NPTX2: variants seen among roughly 807,000 people sequenced by gnomAD.
NPTX2 encodes the protein neuronal pentraxin-2.
In NPTX2, 23 loss-of-function variants were observed where a neutral mutation model predicts 38.1. The observed-to-expected ratio is 0.60, with a 90% CI of 0.43 to 0.85. NPTX2 has a LOEUF of 0.85. NPTX2 is among the 40% of genes least tolerant of loss of function. The pLI, the probability that NPTX2 is intolerant of heterozygous loss-of-function variation, is 0.00. For synonymous variants in NPTX2, 291 were observed against 287.3 expected, an observed-to-expected ratio of 1.01 and a Z score of -0.13; for missense variants, 553 against 615.3, an observed-to-expected ratio of 0.90 and a Z score of 1.07.
intron 2 of NPTX2, among the ~76,000 whole-genome samples, chr7:98,624,610 G>T (rs978031426): frequency 6.6e-6 from 1 of 151,954 alleles, no homozygotes; most frequent in Non-Finnish European, 1.5e-5. Context: ...TCCCTCCCCC[G>T]GCCACTCCCC....
chr7:98,617,820 C>G lies in NPTX2; in HGVS notation c.359C>G (p.Pro120Arg), dbSNP rs1480491728. 1.4e-5 allele frequency: 22 copies of G among 1,540,516 alleles called. No homozygotes were observed. Among genetic ancestry groups the G allele is most frequent in the Middle Eastern group, 2.0e-4 (1 of 5,020 alleles). ...KDTMGDLPRD[P>R]GHVVEQLSRS... Reference sequence around the variant, plus strand: ...ACTATGGGCGACCTGCCGCGGGACCCCGGCCACGTCGTGGAGCAGCTCAGC... The same window carrying G: ...ACTATGGGCGACCTGCCGCGGGACCGCGGCCACGTCGTGGAGCAGCTCAGC... The change falls in exon 1 of 5, where the codon CCC (proline) becomes CGC (arginine). Residue 120 changes from proline (P) to arginine (R), a missense_variant. Transcript: ENST00000265634.
In NPTX2 at chr7:98,627,310, A is replaced by G. The variant is rs1424885365; in HGVS notation, c.1034A>G (p.Lys345Arg). Residue 345 changes from lysine to arginine, a missense_variant, in exon 4 of 5, where the codon AAG becomes AGG. Transcript: ENST00000265634. Reference sequence around the variant, plus strand: ...AACCTGGCCCCCTGGCACCCCATCAAGCCCGGGGGCGTGCTGATCCTTGGA... The same window carrying G: ...AACCTGGCCCCCTGGCACCCCATCAGGCCCGGGGGCGTGCTGATCCTTGGA... ...GENLAPWHPI[K>R]PGGVLILGQE... 4.3e-6 allele frequency: 7 copies of G among 1,613,854 alleles called. No individual in the cohort carries two copies. Among genetic ancestry groups the G allele is most frequent in the Non-Finnish European group, 5.9e-6 (7 of 1,179,956 alleles).
intron 2 of NPTX2, among the ~76,000 whole-genome samples, chr7:98,620,803 A>G (rs2115615465): frequency 6.6e-6 from 1 of 152,068 alleles, no homozygotes; most frequent in Non-Finnish European, 1.5e-5. Flanking sequence ...TGGCACACTA[A>G]AGGTAGTTTG....
chr7:98,625,012 C>T lies in NPTX2; in HGVS notation c.734C>T (p.Pro245Leu). The change falls in exon 3 of 5, where the codon CCT (proline) becomes CTT (leucine). Residue 245 changes from proline (P) to leucine (L), a missense_variant. Transcript: ENST00000265634. ...TACGGCAAGATCAAGAAGACGCTGCCTGAGCTGTACGCCTTCACCATCTGC... is the reference window on the plus strand; with the variant it reads ...TACGGCAAGATCAAGAAGACGCTGCTTGAGCTGTACGCCTTCACCATCTGC... ...YLYGKIKKTL[P>L]ELYAFTICLW... 1 of 1,613,950 alleles carries T rather than the reference C, an allele frequency of 6.2e-7. No homozygotes were observed. The highest frequency in any genetic ancestry group is 8.5e-7 in the Non-Finnish European group (1 of 1,180,046).
At chr7:98,620,820 G>T (rs1413048763) in intron 2 of NPTX2, among the ~76,000 whole-genome samples, 2 of 152,116 alleles carry the variant, frequency 1.3e-5, no homozygotes, top group Non-Finnish European at 2.9e-5. Flanking sequence ...TTTGCCTCTC[G>T]AAAGGGGAAC....
At chr7:98,622,704 C>T (rs1791289094) in intron 2 of NPTX2, among the ~76,000 whole-genome samples, 1 of 152,246 alleles carries the variant, frequency 6.6e-6, no homozygotes, top group Non-Finnish European at 1.5e-5. Flanking sequence ...TCCCAGCCTT[C>T]ACTCTGGCCT....
chr7:98,625,306 G>C, intron 3 of NPTX2, 140 bp downstream of exon 3: 1 of 1,178,306 alleles, frequency 8.5e-7, no homozygotes, highest in Admixed American at 2.6e-5. Flanking sequence ...TGTCCTCCTC[G>C]AGGTGGGGAT....
In NPTX2 at chr7:98,629,600, GA is replaced by G. The variant is rs553312078; in HGVS notation, c.*975del. ...AGTATTTCCCTACAGAACTCCTCAA[GA>G]AAACAGAGATCATTTGGCTAGAGAT... On this transcript the variant is annotated 3_prime_UTR_variant, in exon 5 of 5. Coordinates refer to ENST00000265634, the MANE Select transcript of NPTX2 (RefSeq NM_002523.3). The G allele has an allele frequency of 3.7e-3, 566 of 152,636 alleles. 10 individuals carry two copies. The highest frequency in any genetic ancestry group is 0.019 in the South Asian group (91 of 4,826). 9.5% of individuals were successfully genotyped at this position (152,636 alleles called of 1,614,324 possible). A position where few individuals can be genotyped will look rare whatever the true frequency, so the allele number is the denominator to read the frequency against.
chr7:98,627,634 G>C (rs776311407), intron 4 of NPTX2, among the ~76,000 whole-genome samples: 3 of 152,310 alleles, frequency 2.0e-5, no homozygotes, highest in Admixed American at 1.3e-4. Flanking sequence ...TGGGTGTGTG[G>C]TTCAAACAGA....
At position 98,617,780 on chromosome 7, in the gene NPTX2, G is replaced by T. The variant is rs1048230787; in HGVS notation, c.319G>T (p.Ala107Ser). The T allele has an allele frequency of 2.1e-6, 3 of 1,462,494 alleles. No individual in the cohort carries two copies. Among genetic ancestry groups the T allele is most frequent in the Non-Finnish European group, 2.7e-6 (3 of 1,119,598 alleles). 90.6% of individuals were successfully genotyped at this position (1,462,494 alleles called of 1,614,324 possible). A position where few individuals can be genotyped will look rare whatever the true frequency, so the allele number is the denominator to read the frequency against. Residue 107 changes from alanine (A) to serine (S), a missense_variant, in exon 1 of 5, where the codon GCC becomes TCC. Coordinates refer to ENST00000265634, the MANE Select transcript of NPTX2 (RefSeq NM_002523.3). The part of the protein sequence containing the change: ...LAGGKARGAG[A>S]TGKDTMGDLP... Reference sequence around the variant, plus strand: ...GGGCGGCAAGGCGCGCGGCGCGGGGGCCACGGGCAAGGACACTATGGGCGA... The same window carrying T: ...GGGCGGCAAGGCGCGCGGCGCGGGGTCCACGGGCAAGGACACTATGGGCGA...
At chr7:98,628,115 C>T (rs184444506) in intron 4 of NPTX2, among the ~76,000 whole-genome samples, 43 of 152,254 alleles carry the variant, frequency 2.8e-4, no homozygotes, top group Admixed American at 8.5e-4. Flanking sequence ...GCTACATCTC[C>T]GCTGGGAGGG....
At chr7:98,626,146 CAAAA>C (rs561364197) in intron 3 of NPTX2, among the ~76,000 whole-genome samples, 6 of 71,406 alleles carry the variant, frequency 8.4e-5, no homozygotes, top group Admixed American at 4.3e-4. Flanking sequence ...TACCCTGTCT[CAAAA>C]AAAAAAAAAA....
Position 98,628,516 on chromosome 7 carries a change from T to A in NPTX2, c.1183T>A (p.Ser395Thr). ...AQEIVNIANCSTNMPGNIIPW... is the reference protein window; with the variant it reads ...AQEIVNIANCTTNMPGNIIPW... ...AGAAATTGTCAACATCGCCAACTGC[T>A]CCACAAACATGCCGGGCAACATCAT... Residue 395 changes from serine to threonine, a missense_variant, in exon 5 of 5, where the codon TCC becomes ACC. Ser to Thr is a moderately conservative substitution (Grantham distance 58). Coordinates refer to ENST00000265634, the MANE Select transcript of NPTX2 (RefSeq NM_002523.3). 1.2e-6 allele frequency: 2 copies of A among 1,611,236 alleles called. No homozygotes were observed.
At chr7:98,622,518 C>T (rs891565512) in intron 2 of NPTX2, among the ~76,000 whole-genome samples, 7 of 152,176 alleles carry the variant, frequency 4.6e-5, no homozygotes, top group African/African-American at 7.2e-5. Flanking sequence ...GGCTAAGTGT[C>T]GTGGAAAGAG....
In NPTX2 at chr7:98,617,678, C is replaced by A. The variant is rs1408916204; in HGVS notation, c.217C>A (p.Gln73Lys). ...VLQLRETVVQ[Q>K]KETLGAQREA... ...GCAGCTGCGCGAGACCGTCGTGCAG[C>A]AGAAGGAGACGCTGGGCGCGCAGCG... The change falls in exon 1 of 5, where the codon CAG (glutamine) becomes AAG (lysine). Residue 73 changes from glutamine to lysine, a missense_variant. Gln to Lys is a moderately conservative substitution (Grantham distance 53). Transcript: ENST00000265634. 217 of 1,468,524 alleles carry A rather than the reference C, an allele frequency of 1.5e-4. 1 individual carries two copies. The highest frequency in any genetic ancestry group is 1.5e-5 in the Non-Finnish European group (17 of 1,119,968). 91.0% of individuals were successfully genotyped at this position (1,468,524 alleles called of 1,614,324 possible). A position where few individuals can be genotyped will look rare whatever the true frequency, so the allele number is the denominator to read the frequency against.
At chr7:98,624,871 G>C in intron 2 of NPTX2, 51 bp from the exon 3 acceptor site, 1 of 1,576,332 alleles carries the variant, frequency 6.3e-7, no homozygotes, top group Non-Finnish European at 8.6e-7. Flanking sequence ...GTGCTGGTGG[G>C]TGGTGGGGTG....
Position 98,617,733 on chromosome 7 carries a change from T to C in NPTX2, c.272T>C (p.Leu91Pro), listed in dbSNP as rs1791194271. Residue 91 changes from leucine to proline, a missense_variant, in exon 1 of 5, where the codon CTA (leucine) becomes CCA (proline). Leu to Pro is a moderately conservative substitution (Grantham distance 98, BLOSUM62 -3). Transcript: ENST00000265634. ...GCCATCCGCGAGCTCACGGGCAAGC[T>C]AGCGCGCTGCGAGGGGCTGGCGGGC... ...REAIRELTGK[L>P]ARCEGLAGGK... 7.0e-7 allele frequency: 1 copy of C among 1,429,722 alleles called. No homozygotes were observed. Among genetic ancestry groups the C allele is most frequent in the South Asian group, 1.5e-5 (1 of 67,450 alleles). 88.6% of individuals were successfully genotyped at this position (1,429,722 alleles called of 1,614,324 possible).
At position 98,617,507 on chromosome 7, in the gene NPTX2, G is replaced by C; in HGVS notation, c.46G>C (p.Gly16Arg). 1.6e-6 allele frequency: 2 copies of C among 1,289,162 alleles called. No individual in the cohort carries two copies. The highest frequency in any genetic ancestry group is 2.0e-6 in the Non-Finnish European group (2 of 1,019,220). The allele number at this position is 1,289,162 out of a possible 1,614,324, so 79.9% of individuals were successfully genotyped here. Residue 16 changes from glycine (G) to arginine (R), a missense_variant, in exon 1 of 5, where the codon GGG becomes CGG. Gly to Arg is a moderately radical substitution (Grantham distance 125, BLOSUM62 -2). Transcript: ENST00000265634. Reference sequence around the variant, plus strand: ...CAGCGTGGCGCTCGCCGTGGCCGCTGGGGCCCAGGACAGCCCGGCGCCCGG... The same window carrying C: ...CAGCGTGGCGCTCGCCGTGGCCGCTCGGGCCCAGGACAGCCCGGCGCCCGG... ...AASVALAVAA[G>R]AQDSPAPGSR...
At chr7:98,623,287 T>C (rs1791298983) in intron 2 of NPTX2, among the ~76,000 whole-genome samples, 1 of 152,194 alleles carries the variant, frequency 6.6e-6, no homozygotes, top group Non-Finnish European at 1.5e-5. Flanking sequence ...AATCAAATGG[T>C]GTCCTGCAAA....
Sources: gnomAD v4.1 joint callset for allele counts (sites outside exome capture counted in the v4.1 genomes callset) on GRCh38, gnomAD v4.1.1 for gene constraint, MANE v1.5 for transcripts, NCBI Gene and HGNC (gene_info 2026-07-23, HGNC 2026-07-21) for gene names.